The following MACROD2 variants were observed in gnomAD, a reference collection of about 807,000 sequenced individuals.
MACROD2 encodes ADP-ribose glycohydrolase MACROD2.
Under a neutral mutation model 70.4 loss-of-function variants are expected in MACROD2, and 36 were observed. That is an observed-to-expected ratio of 0.51 (90% CI 0.39 to 0.68). MACROD2 has a LOEUF of 0.68. MACROD2 is among the 30% of genes least tolerant of loss of function. MACROD2 has a pLI of 0.00. For synonymous variants in MACROD2, 172 were observed against 178.8 expected (o/e 0.96, Z 0.30); for missense variants, 496 against 538.4 (o/e 0.92, Z 0.78).
chr20:15,458,355 G>A (rs138100042), intron 7 of MACROD2, among the ~76,000 whole-genome samples: 1 of 151,996 alleles, frequency 6.6e-6, no homozygotes, highest in Non-Finnish European at 1.5e-5. Flanking sequence ...CATTTTTATG[G>A]TCAAACTCAG....
intron 3 of MACROD2, among the ~76,000 whole-genome samples, chr20:14,400,011 TCTA>T (rs1174933997): frequency 6.6e-6 from 1 of 152,322 alleles, no homozygotes; most frequent in East Asian, 1.9e-4. Context: ...AATGCCCTTG[TCTA>T]CTAATTTTCT....
intron 6 of MACROD2, among the ~76,000 whole-genome samples, chr20:15,388,446 A>T (rs1301476256): frequency 6.6e-6 from 1 of 152,156 alleles, no homozygotes; most frequent in Non-Finnish European, 1.5e-5. Context: ...ACAGTAGTGG[A>T]TATGTTTGAC....
intron 5 of MACROD2, among the ~76,000 whole-genome samples, chr20:15,017,013 A>G (rs1015947038): frequency 6.6e-6 from 1 of 152,088 alleles, no homozygotes; most frequent in African/African-American, 2.4e-5. Flanking sequence ...TCCAAATCTC[A>G]TGTCCTCACA....
intron 3 of MACROD2, among the ~76,000 whole-genome samples, chr20:14,298,987 A>G (rs2082451874): frequency 6.6e-6 from 1 of 152,198 alleles, no homozygotes. Flanking sequence ...GATGCTGTGA[A>G]CATTGTTGAA....
At chr20:15,958,874 G>A (rs1430693956) in intron 12 of MACROD2, among the ~76,000 whole-genome samples, 1 of 152,156 alleles carries the variant, frequency 6.6e-6, no homozygotes, top group Non-Finnish European at 1.5e-5. Context: ...CCAGAAGGCG[G>A]CCATCTGCAA....
chr20:15,829,108 T>A (rs1425262580), intron 8 of MACROD2, among the ~76,000 whole-genome samples: 1 of 148,270 alleles, frequency 6.7e-6, no homozygotes, highest in African/African-American at 2.5e-5. Flanking sequence ...CTGATTATTA[T>A]CGGAAAAAAA....
intron 8 of MACROD2, among the ~76,000 whole-genome samples, chr20:15,708,865 T>TAAA (rs1386852240): frequency 6.6e-6 from 1 of 151,378 alleles, no homozygotes; most frequent in Non-Finnish European, 1.5e-5. Context: ...TCTCTACAAA[T>TAAA]AAATAAATAA....
At chr20:16,001,923 C>T (rs2066714497) in intron 15 of MACROD2, among the ~76,000 whole-genome samples, 1 of 151,476 alleles carries the variant, frequency 6.6e-6, no homozygotes, top group Admixed American at 6.6e-5. Context: ...CTTATTTTTC[C>T]ATTAACAAAA....
At chr20:14,978,369 C>T (rs974161887) in intron 5 of MACROD2, among the ~76,000 whole-genome samples, 38 of 37,706 alleles carry the variant, frequency 1.0e-3, no homozygotes, top group African/African-American at 2.1e-3. Flanking sequence ...CCCCTCTCCG[C>T]GCCCCGCCCC....
intron 6 of MACROD2, among the ~76,000 whole-genome samples, chr20:15,354,809 A>C (rs1397021788): frequency 6.6e-6 from 1 of 152,238 alleles, no homozygotes; most frequent in African/African-American, 2.4e-5. Flanking sequence ...AGCAACAAGA[A>C]AAATTGCTTA....
chr20:14,502,551 A>G (rs1012425924), intron 4 of MACROD2, among the ~76,000 whole-genome samples: 1 of 152,348 alleles, frequency 6.6e-6, no homozygotes, highest in East Asian at 1.9e-4. Context: ...ACTACTTTAC[A>G]GGTGTGGAAT....
chr20:14,034,344 C>A (rs976841333), intron 2 of MACROD2, among the ~76,000 whole-genome samples: 1 of 152,150 alleles, frequency 6.6e-6, no homozygotes, highest in Non-Finnish European at 1.5e-5. Flanking sequence ...TATTTAATCA[C>A]CCCCTATTCA....
intron 6 of MACROD2, among the ~76,000 whole-genome samples, chr20:15,379,372 A>C (rs890830481): frequency 4.6e-5 from 7 of 152,094 alleles, no homozygotes; most frequent in African/African-American, 1.7e-4. Context: ...TCAGTTTCAC[A>C]TAGTTTGACC....
intron 5 of MACROD2, among the ~76,000 whole-genome samples, chr20:15,123,174 G>C (rs1394604565): frequency 3.9e-5 from 6 of 152,142 alleles, no homozygotes; most frequent in African/African-American, 9.7e-5. Context: ...TAGTTGAAGA[G>C]ATTTTCCTTT....
chr20:14,117,073 A>G (rs2054524987), intron 3 of MACROD2, among the ~76,000 whole-genome samples: 1 of 152,108 alleles, frequency 6.6e-6, no homozygotes, highest in African/African-American at 2.4e-5. Context: ...CTCAAAAAAA[A>G]AAAAAAAAAA....
intron 8 of MACROD2, among the ~76,000 whole-genome samples, chr20:15,713,992 C>CACAG (rs1319238528): frequency 1.1e-5 from 1 of 86,980 alleles, no homozygotes; most frequent in Non-Finnish European, 2.2e-5. Flanking sequence ...CATATGCACA[C>CACAG]ACACACACAC....
intron 8 of MACROD2, among the ~76,000 whole-genome samples, chr20:15,771,463 G>A (rs1267721311): frequency 6.6e-6 from 1 of 151,758 alleles, no homozygotes; most frequent in East Asian, 1.9e-4. Context: ...GATTATGGAT[G>A]TGAACCATCA....
intron 4 of MACROD2, among the ~76,000 whole-genome samples, chr20:14,534,545 T>G (rs1220322190): frequency 6.6e-6 from 1 of 152,172 alleles, no homozygotes; most frequent in Non-Finnish European, 1.5e-5. Context: ...TGATCAAGAG[T>G]GTCTTCAAAT....
chr20:14,687,416 T>G lies in MACROD2; in HGVS notation c.418+2457T>G, dbSNP rs566525009. On this transcript the variant is annotated intron_variant, in intron 5 of 17. Coordinates refer to ENST00000684519, the MANE Select transcript of MACROD2 (RefSeq NM_001351661.2). Reference sequence around the variant, plus strand: ...CTTTGAATAAGTTATTCAGTTTCCTTTGAATACAATTCATCTTATTTTAGG... The same window carrying G: ...CTTTGAATAAGTTATTCAGTTTCCTGTGAATACAATTCATCTTATTTTAGG... Among the ~76,000 whole-genome samples the G allele has an allele frequency of 5.0e-4, 76 of 152,318 alleles. 2 individuals carry two copies. In the South Asian group the frequency reaches 0.013, roughly 27 times the overall value.
Sources: gnomAD v4.1 joint callset for allele counts (sites outside exome capture counted in the v4.1 genomes callset) on GRCh38, gnomAD v4.1.1 for gene constraint, MANE v1.5 for transcripts, NCBI Gene and HGNC (gene_info 2026-07-23, HGNC 2026-07-21) for gene names.